GPC6: variants seen among roughly 807,000 people sequenced by gnomAD.
GPC6 encodes the protein glypican 6.
GPC6 carries 14 observed loss-of-function variants against 55.2 expected under a neutral mutation model. That is an observed-to-expected ratio of 0.25 (90% CI 0.17 to 0.40). GPC6 has a LOEUF of 0.40. GPC6 is among the 10% of genes least tolerant of loss of function. GPC6 has a pLI of 1.00. For missense variants in GPC6, 641 were observed against 708.5 expected (o/e 0.90, Z 1.08); for synonymous variants, 278 against 259.6 (o/e 1.07, Z -0.68).
At chr13:93,498,093 G>C (rs1043337009) in intron 1 of GPC6, among the ~76,000 whole-genome samples, 6 of 152,184 alleles carry the variant, frequency 3.9e-5, no homozygotes, top group African/African-American at 1.4e-4. Context: ...ATAGCTTCAA[G>C]ATATGGAATA....
intron 6 of GPC6, among the ~76,000 whole-genome samples, chr13:94,328,065 G>A (rs1877216740): frequency 6.6e-6 from 1 of 152,186 alleles, no homozygotes; most frequent in South Asian, 2.1e-4. Flanking sequence ...AGGATCTGTG[G>A]CTGTTGTCTC....
rs548841070 is a variant in GPC6, at chr13:93,376,076, G to A, written c.160+148460G>A. On this transcript the variant is annotated intron_variant, in intron 1 of 8. Transcript: ENST00000377047. Reference sequence around the variant, plus strand: ...TTTTTTTTTTTTTTTTGATGAGGGAGAGAGCTTCCTGAAACAGAGAGGACA... The same window carrying A: ...TTTTTTTTTTTTTTTTGATGAGGGAAAGAGCTTCCTGAAACAGAGAGGACA... Among the ~76,000 whole-genome samples, 11 of 145,684 alleles carry A rather than the reference G, an allele frequency of 7.6e-5. No homozygotes were observed. In the South Asian group the frequency reaches 2.2e-3, roughly 29 times the overall value.
intron 2 of GPC6, among the ~76,000 whole-genome samples, chr13:93,672,324 G>A (rs1354326069): frequency 6.6e-6 from 1 of 151,802 alleles, no homozygotes; most frequent in Non-Finnish European, 1.5e-5. Context: ...TGAGTTTGTA[G>A]TGTCTGTGGT....
At chr13:94,276,564 C>G (rs1298517181) in intron 4 of GPC6, among the ~76,000 whole-genome samples, 1 of 151,960 alleles carries the variant, frequency 6.6e-6, no homozygotes, top group Admixed American at 6.6e-5. Context: ...TTTCCTGCAC[C>G]TGTTGACCCA....
At chr13:93,277,937 A>G (rs889332457) in intron 1 of GPC6, among the ~76,000 whole-genome samples, 2 of 152,168 alleles carry the variant, frequency 1.3e-5, no homozygotes, top group Admixed American at 6.5e-5. Flanking sequence ...CTTTTTAATC[A>G]TACTCCTTAT....
At chr13:93,995,327 GCAGGTGTGCACCA>G (rs1347276485) in intron 3 of GPC6, among the ~76,000 whole-genome samples, 1 of 151,806 alleles carries the variant, frequency 6.6e-6, no homozygotes. Flanking sequence ...AGCTGGGATT[GCAGGTGTGCACCA>G]CCACACCCAG....
intron 3 of GPC6, among the ~76,000 whole-genome samples, chr13:93,993,347 G>A (rs897040071): frequency 1.3e-5 from 2 of 148,680 alleles, no homozygotes; most frequent in Non-Finnish European, 3.0e-5. Flanking sequence ...GGCTGAGAGC[G>A]CGGTGGCACA....
chr13:94,353,482 G>T (rs926437600), intron 6 of GPC6, among the ~76,000 whole-genome samples: 3 of 152,078 alleles, frequency 2.0e-5, no homozygotes, highest in South Asian at 4.1e-4. Context: ...CTGGATCTAG[G>T]TCAGCAGAAA....
chr13:93,418,127 T>A (rs557524243), intron 1 of GPC6, among the ~76,000 whole-genome samples: 1 of 151,962 alleles, frequency 6.6e-6, no homozygotes. Flanking sequence ...TATTTAAAAT[T>A]TTTTTTAACT....
Position 93,812,149 on chromosome 13 carries a change from G to C in GPC6, c.320-18005G>C, listed in dbSNP as rs866260987. Reference sequence around the variant, plus strand: ...TTTGGGAGTGCAAGGCGGTGGGGGGGGGGGCGGGGGGTGGGTGGATCACGA... The same window carrying C: ...TTTGGGAGTGCAAGGCGGTGGGGGGCGGGGCGGGGGGTGGGTGGATCACGA... On this transcript the variant is annotated intron_variant, in intron 2 of 8. Transcript: ENST00000377047. Among the ~76,000 whole-genome samples, 73 of 140,488 alleles carry C rather than the reference G, an allele frequency of 5.2e-4. 1 individual carries two copies. In the South Asian group the frequency reaches 0.018, roughly 34 times the overall value. 92.2% of individuals were successfully genotyped at this position (140,488 alleles called of 152,430 possible).
intron 1 of GPC6, among the ~76,000 whole-genome samples, chr13:93,396,333 G>C (rs1875853587): frequency 2.0e-5 from 3 of 152,134 alleles, no homozygotes; most frequent in African/African-American, 4.8e-5. Context: ...TGGAGGCCGA[G>C]GTGGGCGGAT....
chr13:93,694,174 T>C lies in GPC6; in HGVS notation c.320-135980T>C, dbSNP rs1429817916. Reference sequence around the variant, plus strand: ...GAAATAAAAAACATGCAACATTCCCTGTTAAGAACTCTGTAAATTGTGGCT... The same window carrying C: ...GAAATAAAAAACATGCAACATTCCCCGTTAAGAACTCTGTAAATTGTGGCT... On this transcript the variant is annotated intron_variant, in intron 2 of 8. Transcript: ENST00000377047. 2.0e-5 allele frequency among the ~76,000 whole-genome samples: 3 copies of C among 152,172 alleles called. No homozygotes were observed. The South Asian group carries it at 6.2e-4, about 31-fold the overall frequency.
intron 4 of GPC6, among the ~76,000 whole-genome samples, chr13:94,055,985 C>A (rs1884119145): frequency 6.6e-6 from 1 of 152,104 alleles, no homozygotes; most frequent in African/African-American, 2.4e-5. Context: ...GCACCACCAC[C>A]TAACAGGACT....
chr13:93,306,100 T>C (rs1369257620), intron 1 of GPC6, among the ~76,000 whole-genome samples: 4 of 152,204 alleles, frequency 2.6e-5, no homozygotes, highest in Non-Finnish European at 5.9e-5. Context: ...AAAGTAATTA[T>C]GCAGTGGGGT....
At chr13:93,354,719 C>G (rs1341164341) in intron 1 of GPC6, among the ~76,000 whole-genome samples, 1 of 151,950 alleles carries the variant, frequency 6.6e-6, no homozygotes, top group Non-Finnish European at 1.5e-5. Flanking sequence ...TGTTTAATAA[C>G]CAAGGTTGGT....
At chr13:93,790,662 A>G (rs1886001892) in intron 2 of GPC6, among the ~76,000 whole-genome samples, 1 of 152,218 alleles carries the variant, frequency 6.6e-6, no homozygotes, top group Non-Finnish European at 1.5e-5. Flanking sequence ...TCCTCAAGAT[A>G]CTATTCTGGG....
chr13:93,231,399 A>ACG (rs1566533624), intron 1 of GPC6, among the ~76,000 whole-genome samples: 1 of 33,228 alleles, frequency 3.0e-5, no homozygotes, highest in Non-Finnish European at 5.2e-5. Context: ...ATATATATGT[A>ACG]TATATATATA....
chr13:93,288,059 G>T (rs1878197060), intron 1 of GPC6, among the ~76,000 whole-genome samples: 1 of 152,110 alleles, frequency 6.6e-6, no homozygotes, highest in Non-Finnish European at 1.5e-5. Context: ...TTAATAAAAT[G>T]TATCTGTGAA....
intron 2 of GPC6, among the ~76,000 whole-genome samples, chr13:93,706,705 C>T (rs2138802469): frequency 6.6e-6 from 1 of 151,950 alleles, no homozygotes; most frequent in African/African-American, 2.4e-5. Flanking sequence ...GGGGTCCAGT[C>T]ATTCATTCAT....
Sources: allele counts gnomAD v4.1 joint callset (sites outside exome capture counted in the v4.1 genomes callset), GRCh38; gene constraint gnomAD v4.1.1; transcripts MANE v1.5; gene names NCBI Gene and HGNC (gene_info 2026-07-23, HGNC 2026-07-21).